Variants in MACROD2 observed in about 807,000 individuals in gnomAD.
MACROD2 encodes ADP-ribose glycohydrolase MACROD2.
Under a neutral mutation model 70.4 loss-of-function variants are expected in MACROD2, and 36 were observed. That is an observed-to-expected ratio of 0.51 (90% CI 0.39 to 0.68). The LOEUF (loss-of-function observed/expected upper bound fraction) is 0.68, where lower values mean the gene tolerates loss of function less well. MACROD2 is among the 30% of genes least tolerant of loss of function. The pLI, the probability that MACROD2 is intolerant of heterozygous loss-of-function variation, is 0.00. For missense variants in MACROD2, 496 were observed against 538.4 expected, an observed-to-expected ratio of 0.92 and a Z score of 0.78; for synonymous variants, 172 against 178.8, an observed-to-expected ratio of 0.96 and a Z score of 0.30.
chr20:14,445,248 T>C (rs1257252446), intron 3 of MACROD2, among the ~76,000 whole-genome samples: 1 of 152,070 alleles, frequency 6.6e-6, no homozygotes, highest in Admixed American at 6.5e-5. Context: ...CAAGGATTTT[T>C]GTCCATTTTG....
rs115174422 is a variant in MACROD2 at position 15,218,354 on chromosome 20, A to G, written c.419-11586A>G. 2.1e-3 allele frequency among the ~76,000 whole-genome samples: 325 copies of G among 152,302 alleles called. 2 individuals carry two copies. Among genetic ancestry groups the G allele is most frequent in the African/African-American group, 7.4e-3 (308 of 41,564 alleles). ...CACAGTTTGCCAGTTCAACTCTAAG[A>G]TTCTTGAACGGTCTGCCTCTCTTTT... On this transcript the variant is annotated intron_variant, in intron 5 of 17. Transcript: ENST00000684519.
At chr20:14,826,355 A>T (rs2072902878) in intron 5 of MACROD2, among the ~76,000 whole-genome samples, 1 of 152,126 alleles carries the variant, frequency 6.6e-6, no homozygotes, top group Non-Finnish European at 1.5e-5. Context: ...CTCATTGTAT[A>T]TCAGGCTAAT....
chr20:15,006,588 C>T (rs750847273), intron 5 of MACROD2, among the ~76,000 whole-genome samples: 3 of 152,040 alleles, frequency 2.0e-5, no homozygotes, highest in East Asian at 1.9e-4. Flanking sequence ...ATCAAAACTT[C>T]GTGCTGTATA....
intron 10 of MACROD2, among the ~76,000 whole-genome samples, chr20:15,931,790 T>C (rs2065582482): frequency 6.6e-6 from 1 of 152,172 alleles, no homozygotes; most frequent in African/African-American, 2.4e-5. Flanking sequence ...TTTGTCCTTC[T>C]ATTATAAACT....
chr20:14,014,483 C>T (rs985558338), intron 2 of MACROD2, among the ~76,000 whole-genome samples: 27 of 152,082 alleles, frequency 1.8e-4, no homozygotes, highest in Admixed American at 1.4e-3. Flanking sequence ...AAGAAAATAT[C>T]GTGCCAGGGC....
intron 4 of MACROD2, among the ~76,000 whole-genome samples, chr20:14,499,629 A>T (rs1386576250): frequency 6.6e-6 from 1 of 152,104 alleles, no homozygotes; most frequent in Non-Finnish European, 1.5e-5. Flanking sequence ...AGATATGAGG[A>T]AGAAGAGGGA....
chr20:15,655,390 C>T (rs138274888), intron 8 of MACROD2, among the ~76,000 whole-genome samples: 2 of 150,058 alleles, frequency 1.3e-5, no homozygotes, highest in African/African-American at 2.5e-5. Context: ...TGTGTCAGGA[C>T]ACTTGGCAAG....
intron 8 of MACROD2, among the ~76,000 whole-genome samples, chr20:15,655,613 G>T: frequency 6.6e-6 from 1 of 152,004 alleles, no homozygotes; most frequent in East Asian, 1.9e-4. Context: ...TACCACAAAA[G>T]AAAAAATGTA....
At chr20:14,286,197 A>G (rs2082343532) in intron 3 of MACROD2, among the ~76,000 whole-genome samples, 1 of 152,170 alleles carries the variant, frequency 6.6e-6, no homozygotes. Flanking sequence ...TAAAAATTGC[A>G]TAGCTATTCT....
intron 4 of MACROD2, among the ~76,000 whole-genome samples, chr20:14,508,301 C>A (rs959759817): frequency 9.9e-5 from 15 of 152,120 alleles, no homozygotes; most frequent in African/African-American, 3.6e-4. Flanking sequence ...CTCTTTTCCT[C>A]TTCTCTTCTC....
At chr20:15,487,262 T>C (rs2047174444) in intron 7 of MACROD2, among the ~76,000 whole-genome samples, 1 of 152,104 alleles carries the variant, frequency 6.6e-6, no homozygotes. Context: ...TCTCAGAAAG[T>C]GATCTAAAAA....
intron 8 of MACROD2, among the ~76,000 whole-genome samples, chr20:15,577,931 A>C (rs1412471255): frequency 6.6e-6 from 1 of 152,204 alleles, no homozygotes; most frequent in Non-Finnish European, 1.5e-5. Context: ...AAGGTCAGTT[A>C]CCTTTAGATA....
At chr20:14,457,636 T>C (rs974561878) in intron 3 of MACROD2, among the ~76,000 whole-genome samples, 2 of 152,102 alleles carry the variant, frequency 1.3e-5, no homozygotes, top group African/African-American at 2.4e-5. Flanking sequence ...GGATCAAATA[T>C]GTGTCCAATG....
chr20:14,026,722 C>T (rs1361833646), intron 2 of MACROD2, among the ~76,000 whole-genome samples: 1 of 152,190 alleles, frequency 6.6e-6, no homozygotes, highest in Non-Finnish European at 1.5e-5. Flanking sequence ...TGCTGTTAGT[C>T]TGATGGGCTT....
At chr20:14,840,033 C>CTTT (rs71190154) in intron 5 of MACROD2, among the ~76,000 whole-genome samples, 13 of 142,496 alleles carry the variant, frequency 9.1e-5, no homozygotes, top group South Asian at 2.2e-4. Flanking sequence ...GTCTCCATGT[C>CTTT]TTTTTTTTTT....
intron 5 of MACROD2, chr20:14,893,654 G>T (rs1168933358): frequency 1.3e-5 from 2 of 151,742 alleles, no homozygotes; most frequent in Non-Finnish European, 2.9e-5. Context: ...TTAATACTTG[G>T]TTACTAGCCA....
intron 3 of MACROD2, among the ~76,000 whole-genome samples, chr20:14,303,387 A>G (rs1235693605): frequency 6.6e-6 from 1 of 152,152 alleles, no homozygotes; most frequent in East Asian, 1.9e-4. Flanking sequence ...GAAGGGCCAC[A>G]TCCACAGTAT....
intron 8 of MACROD2, among the ~76,000 whole-genome samples, chr20:15,809,861 C>CTTTTTTTTTTTTTTTTTT (rs56350068): frequency 7.0e-6 from 1 of 142,010 alleles, no homozygotes; most frequent in African/African-American, 2.6e-5. Flanking sequence ...GCCACCCTAT[C>CTTTTTTTTTTTTTTTTTT]TTTTTTTTTT....
intron 8 of MACROD2, among the ~76,000 whole-genome samples, chr20:15,672,841 T>C (rs1423514303): frequency 6.6e-6 from 1 of 152,148 alleles, no homozygotes; most frequent in Non-Finnish European, 1.5e-5. Flanking sequence ...AATTCTCACA[T>C]GTCGTGGGAG....
Sources: gnomAD v4.1 joint callset for allele counts (sites outside exome capture counted in the v4.1 genomes callset) on GRCh38, gnomAD v4.1.1 for gene constraint, MANE v1.5 for transcripts, NCBI Gene and HGNC (gene_info 2026-07-23, HGNC 2026-07-21) for gene names.